Variants in MAML2 observed in about 807,000 individuals in gnomAD.
MAML2 encodes mastermind like transcriptional coactivator 2, also known as mastermind-like protein 2.
In MAML2, 22 loss-of-function variants were observed where a neutral mutation model predicts 96.1. The observed-to-expected ratio is 0.23, with a 90% CI of 0.16 to 0.33. MAML2 has a LOEUF of 0.33. Among genes scored for constraint, MAML2 ranks in the 10% least tolerant of loss-of-function variants. The pLI is 1.00. For missense variants in MAML2, 1,367 were observed against 1,392.4 expected, an observed-to-expected ratio of 0.98 and a Z score of 0.29; for synonymous variants, 561 against 521.3, an observed-to-expected ratio of 1.08 and a Z score of -1.04.
At chr11:96,036,622 T>C (rs1858716785) in intron 2 of MAML2, among the ~76,000 whole-genome samples, 1 of 152,138 alleles carries the variant, frequency 6.6e-6, no homozygotes, top group African/African-American at 2.4e-5. Context: ...ACTTGGCCCA[T>C]GATGAGGGAA....
intron 1 of MAML2, among the ~76,000 whole-genome samples, chr11:96,117,008 C>T (rs1198607959): frequency 6.6e-6 from 1 of 152,190 alleles, no homozygotes; most frequent in Admixed American, 6.5e-5. Flanking sequence ...ATTCAGGTAT[C>T]TGAATGAACT....
chr11:96,288,825 GT>G (rs566498988), intron 1 of MAML2, among the ~76,000 whole-genome samples: 10 of 152,040 alleles, frequency 6.6e-5, no homozygotes, highest in Non-Finnish European at 1.5e-4. Flanking sequence ...TTAAATTAAG[GT>G]AATTCTGGAA....
chr11:96,087,615 G>A (rs995890991), intron 2 of MAML2, among the ~76,000 whole-genome samples: 1 of 152,180 alleles, frequency 6.6e-6, no homozygotes, highest in East Asian at 1.9e-4. Flanking sequence ...TTGACCGCAG[G>A]TATGTCACCA....
intron 1 of MAML2, among the ~76,000 whole-genome samples, chr11:96,146,507 C>T (rs532869971): frequency 6.6e-6 from 1 of 152,320 alleles, no homozygotes; most frequent in African/African-American, 2.4e-5. Flanking sequence ...TATCACCTGC[C>T]AGCTGTTATG....
At chr11:95,993,303 C>G (rs1011795781) in intron 2 of MAML2, among the ~76,000 whole-genome samples, 4 of 152,054 alleles carry the variant, frequency 2.6e-5, no homozygotes, top group Non-Finnish European at 5.9e-5. Context: ...TGCGGTGGCT[C>G]ATGCCTGTAA....
At chr11:95,984,401 T>C (rs149150254) in intron 4 of MAML2, among the ~76,000 whole-genome samples, 23 of 152,340 alleles carry the variant, frequency 1.5e-4, no homozygotes, top group African/African-American at 5.5e-4. Context: ...ATCCTGTTTT[T>C]GCTCTGAGGC....
intron 1 of MAML2, among the ~76,000 whole-genome samples, chr11:96,138,138 T>A (rs1021994933): frequency 6.6e-6 from 1 of 152,156 alleles, no homozygotes; most frequent in African/African-American, 2.4e-5. Context: ...TACCTCAAGA[T>A]CCTCCTTTTG....
At chr11:96,074,918 G>A (rs1859410499) in intron 2 of MAML2, among the ~76,000 whole-genome samples, 1 of 152,066 alleles carries the variant, frequency 6.6e-6, no homozygotes, top group Non-Finnish European at 1.5e-5. Flanking sequence ...GGCAGGGAGT[G>A]GTGTTGCATA....
intron 1 of MAML2, among the ~76,000 whole-genome samples, chr11:96,212,378 A>C (rs1861986091): frequency 6.6e-6 from 1 of 152,074 alleles, no homozygotes; most frequent in Admixed American, 6.5e-5. Context: ...ACAGATCCTA[A>C]AGAATGTAAC....
intron 2 of MAML2, among the ~76,000 whole-genome samples, chr11:96,076,471 CACAG>C (rs1334783660): frequency 6.8e-6 from 1 of 146,646 alleles, no homozygotes; most frequent in African/African-American, 2.7e-5. Flanking sequence ...CACACACACA[CACAG>C]CCCTTCAGAG....
chr11:96,227,844 G>A (rs1204379858), intron 1 of MAML2, among the ~76,000 whole-genome samples: 2 of 152,186 alleles, frequency 1.3e-5, no homozygotes, highest in Admixed American at 6.5e-5. Flanking sequence ...GCTCATGCCC[G>A]TAATCCCAGC....
intron 2 of MAML2, among the ~76,000 whole-genome samples, chr11:96,071,475 G>C (rs146564171): frequency 6.6e-6 from 1 of 152,372 alleles, no homozygotes; most frequent in African/African-American, 2.4e-5. Context: ...GTGTAGCCTG[G>C]AGTGGCAGCT....
intron 2 of MAML2, among the ~76,000 whole-genome samples, chr11:95,992,758 C>G (rs1472826361): frequency 6.6e-6 from 1 of 152,246 alleles, no homozygotes; most frequent in Middle Eastern, 3.4e-3. Flanking sequence ...GATGCCCTGG[C>G]CTTGTCCCAG....
chr11:96,156,974 C>G (rs1468787297), intron 1 of MAML2, among the ~76,000 whole-genome samples: 3 of 152,282 alleles, frequency 2.0e-5, no homozygotes, highest in South Asian at 4.1e-4. Context: ...TTTAAAGTCC[C>G]CAGCCATGTC....
chr11:96,179,387 G>T (rs1223092936), intron 1 of MAML2, among the ~76,000 whole-genome samples: 2 of 152,030 alleles, frequency 1.3e-5, no homozygotes, highest in Non-Finnish European at 2.9e-5. Flanking sequence ...TCTCTTTTTT[G>T]TTCTTTACCT....
intron 2 of MAML2, among the ~76,000 whole-genome samples, chr11:96,014,954 C>T (rs746693079): frequency 3.2e-4 from 48 of 152,218 alleles, no homozygotes; most frequent in Non-Finnish European, 5.9e-4. Context: ...TCAGTCACTA[C>T]ACTGGGCACT....
chr11:96,037,195 AC>A lies in MAML2; in HGVS notation c.2140-45473del, dbSNP rs375421563. On this transcript the variant is annotated intron_variant, in intron 2 of 4. Coordinates refer to ENST00000524717, the MANE Select transcript of MAML2 (RefSeq NM_032427.4). The stretch of plus-strand genomic sequence containing the variant: ...GCCTCAGAAAATAAAAAATAAAAAA[AC>A]AACAACAACAAAAAAAATAACTCTG... Among the ~76,000 whole-genome samples the A allele has an allele frequency of 8.0e-4, 114 of 142,572 alleles. 1 individual carries two copies. The South Asian group carries it at 8.2e-3, about 10-fold the overall frequency. 93.5% of individuals were successfully genotyped at this position (142,572 alleles called of 152,430 possible).
intron 1 of MAML2, among the ~76,000 whole-genome samples, chr11:96,216,988 C>T (rs2135943229): frequency 6.6e-6 from 1 of 152,222 alleles, no homozygotes; most frequent in Admixed American, 6.5e-5. Flanking sequence ...GCAAAGTATT[C>T]AGAGAATTAG....
intron 1 of MAML2, among the ~76,000 whole-genome samples, chr11:96,102,192 C>T (rs765015362): frequency 1.3e-5 from 2 of 152,154 alleles, no homozygotes; most frequent in Non-Finnish European, 1.5e-5. Context: ...AGGAAAACGG[C>T]GTGAACCTGG....
Sources: gnomAD v4.1 joint callset for allele counts (sites outside exome capture counted in the v4.1 genomes callset) on GRCh38, gnomAD v4.1.1 for gene constraint, MANE v1.5 for transcripts, NCBI Gene and HGNC (gene_info 2026-07-23, HGNC 2026-07-21) for gene names.